The following COL23A1 variants were observed in gnomAD, a reference collection of about 807,000 sequenced individuals.
COL23A1 encodes the protein collagen alpha-1(XXIII) chain.
COL23A1 carries 97 observed loss-of-function variants against 99.3 expected under a neutral mutation model. The observed-to-expected ratio is 0.98, with a 90% CI of 0.83 to 1.16. COL23A1 has a LOEUF of 1.16. Among genes scored for constraint, COL23A1 ranks in the 50% most tolerant of loss-of-function variants. COL23A1 has a pLI of 0.00. For missense variants in COL23A1, 762 were observed against 757.4 expected (o/e 1.01, Z -0.07); for synonymous variants, 320 against 308.2 (o/e 1.04, Z -0.40).
rs11374428 is a variant in COL23A1 at position 178,570,112 on chromosome 5, CT to C, written c.295-9365del. On this transcript the variant is annotated intron_variant, in intron 1 of 28. Coordinates refer to ENST00000390654, the MANE Select transcript of COL23A1 (RefSeq NM_173465.4). ...TCACAGTTCATTTCTTTTTCTTTTT[CT>C]TTTTTTTTTTTTCCTTTGAAACAGG... Among the ~76,000 whole-genome samples, 1,385 of 141,978 alleles carry C rather than the reference CT, an allele frequency of 9.8e-3. 21 individuals carry two copies. Among genetic ancestry groups the C allele is most frequent in the African/African-American group, 0.031 (1,195 of 38,330 alleles). 93.1% of individuals were successfully genotyped at this position (141,978 alleles called of 152,430 possible). A position where few individuals can be genotyped will look rare whatever the true frequency, so the allele number is the denominator to read the frequency against.
intron 2 of COL23A1, among the ~76,000 whole-genome samples, chr5:178,368,288 T>C (rs906356356): frequency 6.6e-6 from 1 of 151,956 alleles, no homozygotes; most frequent in African/African-American, 2.4e-5. Context: ...AAAGAAGACT[T>C]TATGGTTTCA....
rs368875326 is a variant in COL23A1 at position 178,363,925 on chromosome 5, G to A, written c.362-57006C>T. ...GTTCACGTAATGGGATTTGTCACAC[G>A]TGGTCAGCACCTGCTATGTGGGAGA... On this transcript the variant is annotated intron_variant, in intron 2 of 28. Coordinates refer to ENST00000390654, the MANE Select transcript of COL23A1 (RefSeq NM_173465.4). Among the ~76,000 whole-genome samples the A allele has an allele frequency of 1.9e-4, 29 of 152,276 alleles. 2 individuals carry two copies. The highest frequency in any genetic ancestry group is 1.7e-3 in the East Asian group (9 of 5,172).
intron 2 of COL23A1, chr5:178,523,586 ATCT>A (rs1255127853): frequency 1.3e-5 from 2 of 152,054 alleles, no homozygotes; most frequent in East Asian, 3.9e-4. Flanking sequence ...ACAGATGGAA[ATCT>A]TCATCTCTGT....
intron 1 of COL23A1, among the ~76,000 whole-genome samples, chr5:178,573,055 G>A (rs548561255): frequency 1.3e-5 from 2 of 152,344 alleles, no homozygotes; most frequent in Non-Finnish European, 2.9e-5. Flanking sequence ...GGGAGGGATG[G>A]AAGGGAGGGA....
At chr5:178,250,567 C>T (rs1296203075) in intron 17 of COL23A1, among the ~76,000 whole-genome samples, 1 of 152,236 alleles carries the variant, frequency 6.6e-6, no homozygotes, top group African/African-American at 2.4e-5. Flanking sequence ...TTATAAAACA[C>T]TACCCCCAAC....
chr5:178,303,646 G>A (rs1228494663), intron 3 of COL23A1, among the ~76,000 whole-genome samples: 4 of 152,222 alleles, frequency 2.6e-5, no homozygotes, highest in East Asian at 1.9e-4. Context: ...AAGTGCCTCC[G>A]TTTGTCTCTG....
intron 2 of COL23A1, among the ~76,000 whole-genome samples, chr5:178,336,212 T>A (rs1483570714): frequency 2.6e-5 from 4 of 152,190 alleles, no homozygotes; most frequent in Admixed American, 6.5e-5. Context: ...AGTTACCATA[T>A]GACCCAGCAA....
intron 2 of COL23A1, among the ~76,000 whole-genome samples, chr5:178,548,317 T>C (rs963298380): frequency 2.6e-5 from 4 of 151,928 alleles, no homozygotes; most frequent in South Asian, 2.1e-4. Context: ...TCTCCTCTCA[T>C]ATGTCCCACA....
intron 2 of COL23A1, among the ~76,000 whole-genome samples, chr5:178,551,829 G>A (rs879837632): frequency 1.3e-5 from 2 of 151,990 alleles, no homozygotes; most frequent in African/African-American, 2.4e-5. Context: ...CAGAGCCCTC[G>A]TCTTAAAGCT....
intron 5 of COL23A1, among the ~76,000 whole-genome samples, chr5:178,277,361 G>C (rs971873902): frequency 6.6e-6 from 1 of 152,238 alleles, no homozygotes; most frequent in African/African-American, 2.4e-5. Context: ...GCGAGACTTT[G>C]TCTCAAACAA....
intron 2 of COL23A1, among the ~76,000 whole-genome samples, chr5:178,411,689 G>A (rs1220463895): frequency 6.6e-6 from 1 of 152,198 alleles, no homozygotes; most frequent in Non-Finnish European, 1.5e-5. Context: ...GGTGATGAAA[G>A]TGTTCTGCAG....
intron 2 of COL23A1, among the ~76,000 whole-genome samples, chr5:178,493,625 C>T (rs1246935581): frequency 6.6e-6 from 1 of 152,266 alleles, no homozygotes; most frequent in Non-Finnish European, 1.5e-5. Context: ...CATCTCCACA[C>T]CTCCAAGGTT....
chr5:178,492,342 T>C (rs1757975652), intron 2 of COL23A1, among the ~76,000 whole-genome samples: 1 of 152,088 alleles, frequency 6.6e-6, no homozygotes, highest in Non-Finnish European at 1.5e-5. Flanking sequence ...ACGGGACCAG[T>C]GTCCTCCTGA....
chr5:178,522,447 G>A (rs147901985), intron 2 of COL23A1, among the ~76,000 whole-genome samples: 33 of 152,048 alleles, frequency 2.2e-4, no homozygotes, highest in African/African-American at 6.5e-4. Flanking sequence ...GGAATAACTC[G>A]CCACGCTTCC....
intron 1 of COL23A1, among the ~76,000 whole-genome samples, chr5:178,587,225 G>A (rs1304502878): frequency 6.6e-6 from 1 of 152,194 alleles, no homozygotes; most frequent in East Asian, 1.9e-4. Flanking sequence ...TCACATCATA[G>A]TGAAGATACG....
At chr5:178,344,288 T>C (rs1385045633) in intron 2 of COL23A1, among the ~76,000 whole-genome samples, 4 of 152,222 alleles carry the variant, frequency 2.6e-5, no homozygotes, top group Non-Finnish European at 5.9e-5. Flanking sequence ...GTAAATGCTA[T>C]GTAAACAGTT....
At chr5:178,239,287 T>C in intron 27 of COL23A1, 108 bp from the exon 28 acceptor site, 1 of 1,260,170 alleles carries the variant, frequency 7.9e-7, no homozygotes. Context: ...GGAGCGGCCA[T>C]GTGAGACTGC....
intron 2 of COL23A1, among the ~76,000 whole-genome samples, chr5:178,491,923 CG>C (rs1422735049): frequency 6.6e-6 from 1 of 151,876 alleles, no homozygotes; most frequent in Non-Finnish European, 1.5e-5. Flanking sequence ...TTAGTGGAGA[CG>C]GGGTTTCACC....
chr5:178,420,215 C>T (rs1323796481), intron 2 of COL23A1, among the ~76,000 whole-genome samples: 1 of 152,130 alleles, frequency 6.6e-6, no homozygotes, highest in East Asian at 1.9e-4. Flanking sequence ...CCTCACTTTC[C>T]TCTTCTATGA....
Sources: allele counts gnomAD v4.1 joint callset (sites outside exome capture counted in the v4.1 genomes callset), GRCh38; gene constraint gnomAD v4.1.1; transcripts MANE v1.5; gene names NCBI Gene and HGNC (gene_info 2026-07-23, HGNC 2026-07-21).